The following DLEU7 variants were observed in gnomAD, a reference collection of about 807,000 sequenced individuals.
DLEU7 encodes the protein deleted in lymphocytic leukemia 7.
In DLEU7, 17 loss-of-function variants were observed where a neutral mutation model predicts 16.0. The observed-to-expected ratio is 1.06, with a 90% CI of 0.73 to 1.59. The LOEUF is 1.59. DLEU7 is among the 40% of genes most tolerant of loss of function. DLEU7 has a pLI of 0.00. For missense variants in DLEU7, 308 were observed against 314.9 expected (o/e 0.98, Z 0.17); for synonymous variants, 113 against 139.8 (o/e 0.81, Z 1.35).
intron 1 of DLEU7, among the ~76,000 whole-genome samples, chr13:50,739,178 A>T (rs1475566430): frequency 6.6e-6 from 1 of 152,060 alleles, no homozygotes; most frequent in Non-Finnish European, 1.5e-5. Context: ...TAGATACAAG[A>T]CTGCTTTCTC....
chr13:50,742,309 T>C (rs1356963854), intron 1 of DLEU7, among the ~76,000 whole-genome samples: 2 of 152,220 alleles, frequency 1.3e-5, no homozygotes, highest in African/African-American at 4.8e-5. Flanking sequence ...TAAGAGCATT[T>C]GGTGGAAAGT....
At chr13:50,806,578 T>G (rs535510377) in intron 1 of DLEU7, among the ~76,000 whole-genome samples, 62 of 152,230 alleles carry the variant, frequency 4.1e-4, no homozygotes, top group South Asian at 8.3e-4. Context: ...GGAGTAATAT[T>G]TAATACTTGA....
chr13:50,797,832 C>T (rs532663569), intron 1 of DLEU7, among the ~76,000 whole-genome samples: 70 of 152,180 alleles, frequency 4.6e-4, no homozygotes, highest in East Asian at 3.9e-4. Context: ...TTCTGTGCTC[C>T]CAAATCTGCC....
downstream of DLEU7, chr13:50,822,540 G>A: frequency 1.2e-6 from 1 of 827,362 alleles, no homozygotes; most frequent in Non-Finnish European, 1.5e-6. Context: ...AAACGGTTTG[G>A]GAAACCTGCC....
At chr13:50,757,782 A>G (rs572151604) in intron 1 of DLEU7, among the ~76,000 whole-genome samples, 3 of 152,298 alleles carry the variant, frequency 2.0e-5, no homozygotes, top group Middle Eastern at 3.4e-3. Flanking sequence ...CAGCTCTTCA[A>G]ATAAGCAATG....
At chr13:50,771,064 T>C (rs1875291646) in intron 1 of DLEU7, among the ~76,000 whole-genome samples, 1 of 152,214 alleles carries the variant, frequency 6.6e-6, no homozygotes, top group South Asian at 2.1e-4. Context: ...CAGAGGTGTT[T>C]ACAGTATTCT....
At chr13:50,805,623 T>G (rs1028308740) in intron 1 of DLEU7, among the ~76,000 whole-genome samples, 12 of 152,336 alleles carry the variant, frequency 7.9e-5, no homozygotes, top group African/African-American at 2.9e-4. Flanking sequence ...CATTTTTTTC[T>G]AATTCCGTCT....
At chr13:50,763,522 G>A (rs1875003451) in intron 1 of DLEU7, among the ~76,000 whole-genome samples, 1 of 152,240 alleles carries the variant, frequency 6.6e-6, no homozygotes, top group Admixed American at 6.5e-5. Context: ...CCTGGGTGAA[G>A]CAAGAATGTT....
intron 1 of DLEU7, among the ~76,000 whole-genome samples, chr13:50,736,719 C>T (rs1874080568): frequency 6.6e-6 from 1 of 151,236 alleles, no homozygotes; most frequent in Admixed American, 6.6e-5. Flanking sequence ...AGAAATTTAG[C>T]AGAGCCGATA....
intron 1 of DLEU7, among the ~76,000 whole-genome samples, chr13:50,817,855 C>G (rs1566261623): frequency 6.6e-6 from 1 of 151,982 alleles, no homozygotes; most frequent in Non-Finnish European, 1.5e-5. Context: ...GATCTGGGAG[C>G]TCTTAGAGCT....
rs117123640 is a variant in DLEU7, at chr13:50,788,812, G to A, written c.459+54376C>T. Among the ~76,000 whole-genome samples, 37 of 152,164 alleles carry A rather than the reference G, an allele frequency of 2.4e-4. No individual in the cohort carries two copies. In the East Asian group the frequency reaches 6.2e-3, roughly 25 times the overall value. ...ATAACAGTGAGTGATGTTTGGGAGC[G>A]GGGAGCAAAAGCTGGCATCCTCACG... On this transcript the variant is annotated intron_variant, in intron 1 of 1. Transcript: ENST00000400393.
chr13:50,729,390 C>A (rs536254833), intron 1 of DLEU7, among the ~76,000 whole-genome samples: 8 of 152,140 alleles, frequency 5.3e-5, no homozygotes, highest in Non-Finnish European at 1.0e-4. Context: ...GCATAGTATT[C>A]CATGATATAT....
chr13:50,815,965 G>A (rs1876722851), intron 1 of DLEU7, among the ~76,000 whole-genome samples: 1 of 152,086 alleles, frequency 6.6e-6, no homozygotes, highest in Non-Finnish European at 1.5e-5. Flanking sequence ...AATATAAAGT[G>A]GGTATCATGG....
At chr13:50,780,239 A>G (rs115497318) in intron 1 of DLEU7, among the ~76,000 whole-genome samples, 1,734 of 152,150 alleles carry the variant, frequency 0.011, 29 homozygotes, top group African/African-American at 0.039. Context: ...AGGAGTAAAA[A>G]CACCTCTGTC....
chr13:50,838,605 A>T (rs1330883359), intron 1 of DLEU7, among the ~76,000 whole-genome samples: 1 of 152,156 alleles, frequency 6.6e-6, no homozygotes, highest in Non-Finnish European at 1.5e-5. Context: ...TGATGTCCTG[A>T]GTTTACCTAG....
At chr13:50,829,753 A>T (rs1383787862) in intron 1 of DLEU7, among the ~76,000 whole-genome samples, 3 of 151,988 alleles carry the variant, frequency 2.0e-5, no homozygotes, top group Non-Finnish European at 2.9e-5. Flanking sequence ...TTTCCGTGGG[A>T]CTCTTAAGCC....
Position 50,729,382 on chromosome 13 carries a change from A to G in DLEU7, c.460-16142T>C, listed in dbSNP as rs536914886. ...ATATCTTATTCTTTTTCATGGCTGC[A>G]TAGTATTCCATGATATATATGTACC... On this transcript the variant is annotated intron_variant, in intron 1 of 1. Transcript: ENST00000400393. Among the ~76,000 whole-genome samples the G allele has an allele frequency of 7.9e-5, 12 of 152,350 alleles. No individual in the cohort carries two copies. In the South Asian group the frequency reaches 2.5e-3, roughly 32 times the overall value.
chr13:50,723,415 TACACACACACACAC>T (rs35069706), intron 1 of DLEU7, among the ~76,000 whole-genome samples: 2 of 148,268 alleles, frequency 1.3e-5, no homozygotes, highest in African/African-American at 2.5e-5. Flanking sequence ...ACAATAATTG[TACACACACACACAC>T]ACACACACAC....
At chr13:50,824,495 TAA>T (rs1165410425) in intron 1 of DLEU7, among the ~76,000 whole-genome samples, 2 of 152,132 alleles carry the variant, frequency 1.3e-5, no homozygotes, top group African/African-American at 4.8e-5. Context: ...TGCAAGAAAA[TAA>T]GAGAAATCTC....
Sources: gnomAD v4.1 joint callset for allele counts (sites outside exome capture counted in the v4.1 genomes callset) on GRCh38, gnomAD v4.1.1 for gene constraint, MANE v1.5 for transcripts, NCBI Gene and HGNC (gene_info 2026-07-23, HGNC 2026-07-21) for gene names.